Variants in NDST3 observed in about 807,000 individuals in gnomAD.
NDST3 encodes the protein N-deacetylase and N-sulfotransferase 3.
A neutral mutation model predicts 96.1 loss-of-function variants in NDST3; 58 were observed. The ratio of observed to expected loss-of-function variants is 0.60; its 90% CI spans 0.49 to 0.75. NDST3 has a LOEUF of 0.75. Ranked by LOEUF, NDST3 falls within the 30% of genes least tolerant of loss-of-function variation. The probability of loss-of-function intolerance (pLI) is 0.00; values close to 1 mark genes in which losing one functional copy is unlikely to be tolerated. For missense variants in NDST3, 788 were observed against 1,034.2 expected (o/e 0.76, Z 3.27); for synonymous variants, 333 against 359.7 (o/e 0.93, Z 0.84).
At chr4:118,050,495 T>TAG (rs1222363712) in intron 1 of NDST3, among the ~76,000 whole-genome samples, 2 of 152,184 alleles carry the variant, frequency 1.3e-5, no homozygotes, top group African/African-American at 4.8e-5. Context: ...AAAAGGTCCC[T>TAG]AGAACTGATA....
intron 12 of NDST3, among the ~76,000 whole-genome samples, chr4:118,246,008 T>C (rs750723617): frequency 4.6e-5 from 7 of 152,150 alleles, no homozygotes; most frequent in Non-Finnish European, 1.0e-4. Flanking sequence ...AAAACAATAC[T>C]GTGAATTTTT....
At chr4:118,069,519 A>T (rs190864337) in intron 2 of NDST3, among the ~76,000 whole-genome samples, 1 of 152,138 alleles carries the variant, frequency 6.6e-6, no homozygotes, top group Admixed American at 6.6e-5. Flanking sequence ...AATTTTTATT[A>T]TTTTAAATAT....
At chr4:118,049,569 A>C (rs1724959854) in intron 1 of NDST3, among the ~76,000 whole-genome samples, 1 of 151,918 alleles carries the variant, frequency 6.6e-6, no homozygotes, top group Non-Finnish European at 1.5e-5. Context: ...CAGAAATAGA[A>C]ATATCCTTAA....
At chr4:118,049,366 C>A (rs1276760218) in intron 1 of NDST3, among the ~76,000 whole-genome samples, 1 of 151,488 alleles carries the variant, frequency 6.6e-6, no homozygotes, top group Non-Finnish European at 1.5e-5. Context: ...AAATAAATAA[C>A]TAATATTAAA....
intron 6 of NDST3, among the ~76,000 whole-genome samples, chr4:118,168,322 T>C (rs1337908764): frequency 6.6e-6 from 1 of 152,036 alleles, no homozygotes; most frequent in African/African-American, 2.4e-5. Flanking sequence ...AAAGAAATTA[T>C]AGGTCAATGC....
At chr4:118,149,733 T>C (rs1734242588) in intron 6 of NDST3, among the ~76,000 whole-genome samples, 1 of 149,834 alleles carries the variant, frequency 6.7e-6, no homozygotes, top group Non-Finnish European at 1.5e-5. Flanking sequence ...TTTTCCTAAT[T>C]GAATACCCTT....
At chr4:118,145,547 T>C (rs1733876319) in intron 6 of NDST3, among the ~76,000 whole-genome samples, 1 of 152,236 alleles carries the variant, frequency 6.6e-6, no homozygotes, top group African/African-American at 2.4e-5. Context: ...TTTATTAATT[T>C]AAAAACCAAA....
intron 9 of NDST3, among the ~76,000 whole-genome samples, chr4:118,236,104 T>C (rs1740628216): frequency 6.6e-6 from 1 of 152,226 alleles, no homozygotes; most frequent in South Asian, 2.1e-4. Flanking sequence ...CTACCTTGTC[T>C]TGGTAGCCCA....
chr4:118,231,529 A>G (rs1329459785), intron 8 of NDST3, among the ~76,000 whole-genome samples: 1 of 151,752 alleles, frequency 6.6e-6, no homozygotes, highest in East Asian at 1.9e-4. Context: ...AAAATAAGAA[A>G]ATTCAAAGTT....
intron 6 of NDST3, among the ~76,000 whole-genome samples, chr4:118,146,971 A>T (rs1379578546): frequency 6.6e-6 from 1 of 152,216 alleles, no homozygotes; most frequent in Non-Finnish European, 1.5e-5. Flanking sequence ...TATGTTAATC[A>T]TAGGAACTTG....
chr4:118,209,078 T>C (rs1738621824), intron 6 of NDST3, among the ~76,000 whole-genome samples: 1 of 152,198 alleles, frequency 6.6e-6, no homozygotes, highest in Admixed American at 6.5e-5. Flanking sequence ...TGGAAAGTTT[T>C]TGAAGTTAAA....
At chr4:118,198,297 G>GT (rs1737834593) in intron 6 of NDST3, among the ~76,000 whole-genome samples, 1 of 151,888 alleles carries the variant, frequency 6.6e-6, no homozygotes, top group South Asian at 2.1e-4. Flanking sequence ...ATATGATTTA[G>GT]TTAGTTGCTT....
chr4:118,194,569 TA>T, intron 6 of NDST3: 1 of 729,474 alleles, frequency 1.4e-6, no homozygotes, highest in South Asian at 1.4e-5. Flanking sequence ...TTGTGCCATC[TA>T]ACAGCCAGCC....
At chr4:118,040,873 A>ATATATATATTTATATATATATATATT (rs1560603316) in intron 1 of NDST3, among the ~76,000 whole-genome samples, 4 of 53,372 alleles carry the variant, frequency 7.5e-5, no homozygotes, top group African/African-American at 1.3e-4. Flanking sequence ...ATTTTTATAT[A>ATATATATATTTATATATATATATATT]TATATATATT....
Position 118,225,959 on chromosome 4 carries a change from A to T in NDST3, c.1723-927A>T, listed in dbSNP as rs144962246. Among the ~76,000 whole-genome samples, 501 of 152,118 alleles carry T rather than the reference A, an allele frequency of 3.3e-3. 2 individuals are homozygous for T. Among genetic ancestry groups the T allele is most frequent in the African/African-American group, 0.011 (474 of 41,510 alleles). The stretch of plus-strand genomic sequence containing the variant: ...TCAACCTTACTTTTAAACTGAAATC[A>T]TTATTTCAGGTGACAAGTTTTAAAC... On this transcript the variant is annotated intron_variant, in intron 7 of 13. Transcript: ENST00000296499.
At chr4:118,094,969 A>G (rs1729174582) in intron 2 of NDST3, among the ~76,000 whole-genome samples, 1 of 151,904 alleles carries the variant, frequency 6.6e-6, no homozygotes, top group Admixed American at 6.6e-5. Context: ...TGGACATGTT[A>G]ATTAGCTTAA....
Position 118,079,444 on chromosome 4 carries a change from C to T in NDST3, c.981+24553C>T, listed in dbSNP as rs373900962. ...GAATAGCCTACAATAAACACAAATA[C>T]ATAAGGTAAGAGAGTTCTATGCAAA... On this transcript the variant is annotated intron_variant, in intron 2 of 13. Coordinates refer to ENST00000296499, the MANE Select transcript of NDST3 (RefSeq NM_004784.3). Among the ~76,000 whole-genome samples the T allele has an allele frequency of 1.9e-4, 29 of 152,212 alleles. No homozygotes were observed. The East Asian group carries it at 5.0e-3, about 26-fold the overall frequency.
intron 1 of NDST3, among the ~76,000 whole-genome samples, chr4:118,047,741 A>G (rs1410241095): frequency 1.3e-5 from 2 of 152,220 alleles, no homozygotes; most frequent in Non-Finnish European, 2.9e-5. Context: ...TCTGAGAAAT[A>G]TGGGTTATGT....
At chr4:118,195,416 A>G (rs1737613171) in intron 6 of NDST3, among the ~76,000 whole-genome samples, 1 of 152,174 alleles carries the variant, frequency 6.6e-6, no homozygotes, top group South Asian at 2.1e-4. Flanking sequence ...TCCCCTGTAC[A>G]AGCTCTCTTG....
Sources: gnomAD v4.1 joint callset for allele counts (sites outside exome capture counted in the v4.1 genomes callset) on GRCh38, gnomAD v4.1.1 for gene constraint, MANE v1.5 for transcripts, NCBI Gene and HGNC (gene_info 2026-07-23, HGNC 2026-07-21) for gene names.